Variants in CSMD3 observed in about 807,000 individuals in gnomAD.
CSMD3 encodes the protein CUB and Sushi multiple domains 3.
Under a neutral mutation model 435.2 loss-of-function variants are expected in CSMD3, and 177 were observed. That is an observed-to-expected ratio of 0.41 (90% CI 0.36 to 0.46). The LOEUF (loss-of-function observed/expected upper bound fraction) is 0.46, where lower values mean the gene tolerates loss of function less well. Ranked by LOEUF, CSMD3 falls within the 20% of genes least tolerant of loss-of-function variation. The pLI, the probability that CSMD3 is intolerant of heterozygous loss-of-function variation, is 0.34. For synonymous variants in CSMD3, 1,656 were observed against 1,520.5 expected, an observed-to-expected ratio of 1.09 and a Z score of -2.07; for missense variants, 4,265 against 4,504.6, an observed-to-expected ratio of 0.95 and a Z score of 1.52.
chr8:113,039,755 A>G (rs1413004186), intron 5 of CSMD3, among the ~76,000 whole-genome samples: 1 of 152,224 alleles, frequency 6.6e-6, no homozygotes, highest in African/African-American at 2.4e-5. Flanking sequence ...AATTGGCCAG[A>G]TAGTTGGCAA....
At chr8:112,868,643 T>C (rs2081050550) in intron 10 of CSMD3, among the ~76,000 whole-genome samples, 2 of 152,130 alleles carry the variant, frequency 1.3e-5, no homozygotes, top group Admixed American at 6.6e-5. Context: ...CATAACAGTA[T>C]GGTACTGGCA....
At chr8:112,388,488 G>A (rs938645184) in intron 36 of CSMD3, among the ~76,000 whole-genome samples, 1 of 152,152 alleles carries the variant, frequency 6.6e-6, no homozygotes, top group Non-Finnish European at 1.5e-5. Flanking sequence ...TACCGAGTAA[G>A]AGTCAGAAAA....
chr8:113,088,036 A>C (rs2089864055), intron 5 of CSMD3, among the ~76,000 whole-genome samples: 1 of 147,992 alleles, frequency 6.8e-6, no homozygotes, highest in Non-Finnish European at 1.5e-5. Flanking sequence ...AACCCCATCA[A>C]AAAGTGGGCC....
intron 11 of CSMD3, among the ~76,000 whole-genome samples, chr8:112,851,328 C>CA (rs2080480041): frequency 1.3e-5 from 2 of 152,066 alleles, no homozygotes; most frequent in East Asian, 3.9e-4. Flanking sequence ...GCTGTGTAAG[C>CA]AAAAAAACTA....
At chr8:112,892,416 G>A (rs1291099016) in intron 10 of CSMD3, among the ~76,000 whole-genome samples, 1 of 151,138 alleles carries the variant, frequency 6.6e-6, no homozygotes. Flanking sequence ...TGCCATTTTT[G>A]GAAAATAGGG....
chr8:113,410,926 AAAGAAAG>A (rs1563795319), intron 1 of CSMD3, among the ~76,000 whole-genome samples: 2,485 of 150,776 alleles, frequency 0.016, 96 homozygotes, highest in African/African-American at 0.055. Context: ...AGAAAGAAAG[AAAGAAAG>A]AAAGAAAGAA....
intron 23 of CSMD3, among the ~76,000 whole-genome samples, chr8:112,585,039 C>T (rs370537850): frequency 1.3e-5 from 2 of 151,442 alleles, no homozygotes; most frequent in African/African-American, 2.4e-5. Context: ...AATGGTTTCT[C>T]GTTGGATTAA....
At chr8:112,376,157 T>C (rs1354485155) in intron 38 of CSMD3, among the ~76,000 whole-genome samples, 4 of 152,150 alleles carry the variant, frequency 2.6e-5, no homozygotes, top group Admixed American at 6.6e-5. Context: ...TTTTGGGTGA[T>C]CTACCACAAA....
intron 4 of CSMD3, among the ~76,000 whole-genome samples, chr8:113,170,415 GA>G (rs1448489799): frequency 2.0e-5 from 3 of 152,134 alleles, no homozygotes; most frequent in Non-Finnish European, 4.4e-5. Context: ...AACTAATTTT[GA>G]GGCTGGAAAG....
chr8:112,269,331 C>A (rs909997951), intron 59 of CSMD3, among the ~76,000 whole-genome samples: 2 of 152,138 alleles, frequency 1.3e-5, no homozygotes, highest in Non-Finnish European at 2.9e-5. Flanking sequence ...GAAAAGGAAG[C>A]CTTAGATTCA....
rs114014474 is a variant in CSMD3 at position 112,414,155 on chromosome 8, C to T, written c.5396-5123G>A. 2.9e-3 allele frequency among the ~76,000 whole-genome samples: 439 copies of T among 152,286 alleles called. 3 individuals are homozygous for T. The highest frequency in any genetic ancestry group is 0.01 in the African/African-American group (426 of 41,572). On this transcript the variant is annotated intron_variant, in intron 32 of 70. Transcript: ENST00000297405. ...TCAATCTCTCTTCTCTACTGCGAAA[C>T]CCATCAGAGTAGTTCATATGCCTAT...
At chr8:113,044,258 A>G (rs2087739547) in intron 5 of CSMD3, among the ~76,000 whole-genome samples, 1 of 149,972 alleles carries the variant, frequency 6.7e-6, no homozygotes, top group Non-Finnish European at 1.5e-5. Context: ...ATTAAGAGTA[A>G]GAAATATGAA....
chr8:113,421,967 C>T (rs1029124985), intron 1 of CSMD3, among the ~76,000 whole-genome samples: 1 of 152,132 alleles, frequency 6.6e-6, no homozygotes, highest in African/African-American at 2.4e-5. Context: ...TATTTTACAG[C>T]AAAGTTCTGT....
chr8:112,639,382 A>G (rs374314355), intron 20 of CSMD3, among the ~76,000 whole-genome samples: 61 of 152,282 alleles, frequency 4.0e-4, no homozygotes, highest in African/African-American at 1.3e-3. Context: ...AGGGAATGCT[A>G]TCTGTTAGAT....
At chr8:112,755,331 A>AAAT (rs71309790) in intron 13 of CSMD3, among the ~76,000 whole-genome samples, 21,294 of 128,334 alleles carry the variant, frequency 0.17, 1,892 homozygotes, top group Middle Eastern at 0.22. Flanking sequence ...ACTCCGTCTC[A>AAAT]AATAATAATA....
rs773585004 is a variant in CSMD3 at position 113,399,106 on chromosome 8, T to TATATATATATATAC, written c.178+37570_178+37571insGTATATATATATAT. 2.9e-3 allele frequency among the ~76,000 whole-genome samples: 280 copies of TATATATATATATAC among 95,020 alleles called. 1 individual carries two copies. The highest frequency in any genetic ancestry group is 7.2e-3 in the African/African-American group (160 of 22,116). The allele number at this position is 95,020 out of a possible 152,430, so 62.3% of individuals were successfully genotyped here. On this transcript the variant is annotated intron_variant, in intron 1 of 70. Transcript: ENST00000297405. ...ATATATATATATATATATATATATA[T>TATATATATATATAC]ACACACACACACACACACTATATAT...
chr8:113,365,008 T>C (rs1357379371), intron 1 of CSMD3, among the ~76,000 whole-genome samples: 4 of 152,092 alleles, frequency 2.6e-5, no homozygotes, highest in Admixed American at 2.6e-4. Context: ...TTCTTTTCTT[T>C]TTCATGGAGC....
At chr8:112,472,776 C>T in intron 31 of CSMD3, 69 bp from the exon 32 acceptor site, 1 of 828,936 alleles carries the variant, frequency 1.2e-6, no homozygotes, top group Non-Finnish European at 2.1e-6. Flanking sequence ...TGGTTATCTT[C>T]TTCATATAAA....
Position 112,336,654 on chromosome 8 carries a change from T to C in CSMD3, c.7017A>G (p.Val2339=), listed in dbSNP as rs1167169191. Residue 2339 remains valine, a splice_region_variant and synonymous_variant, in exon 44 of 71, where the codon GTA becomes GTG. Coordinates refer to ENST00000297405, the MANE Select transcript of CSMD3 (RefSeq NM_198123.2). ...CAATAACAATAGTCCTGACTTACCA[T>C]ACAGTAATGAAATCATATATTGGTT... is the stretch of plus-strand genomic sequence containing the variant. ...QTEPIYDFIT[V]WDGPDQNSPQ... 1 of 1,602,042 alleles carries C rather than the reference T, an allele frequency of 6.2e-7. No individual in the cohort carries two copies. The highest frequency in any genetic ancestry group is 1.3e-5 in the African/African-American group (1 of 74,752).
Sources: allele counts gnomAD v4.1 joint callset (sites outside exome capture counted in the v4.1 genomes callset), GRCh38; gene constraint gnomAD v4.1.1; transcripts MANE v1.5; gene names NCBI Gene and HGNC (gene_info 2026-07-23, HGNC 2026-07-21).